The following NAA11 variants were observed in gnomAD, a reference collection of about 807,000 sequenced individuals.
The protein encoded by NAA11 is N-alpha-acetyltransferase 11, NatA catalytic subunit, also known as N-alpha-acetyltransferase 11.
In NAA11, 15 loss-of-function variants were observed where a neutral mutation model predicts 16.1. The observed-to-expected ratio is 0.93, with a 90% confidence interval of 0.62 to 1.44. NAA11 has a LOEUF of 1.44. NAA11 is among the 40% of genes most tolerant of loss of function. NAA11 has a pLI of 0.00. For synonymous variants in NAA11, 122 were observed against 112.4 expected, an observed-to-expected ratio of 1.09 and a Z score of -0.54; for missense variants, 298 against 291.3, an observed-to-expected ratio of 1.02 and a Z score of -0.17.
At chr4:79,283,494 T>A (rs547181886) in intron 2 of NAA11, among the ~76,000 whole-genome samples, 1 of 152,044 alleles carries the variant, frequency 6.6e-6, no homozygotes, top group Non-Finnish European at 1.5e-5. Context: ...TGCAGGTAGA[T>A]TGGTATATTT....
At chr4:79,244,027 T>A (rs1721751189) in intron 2 of NAA11, among the ~76,000 whole-genome samples, 2 of 152,188 alleles carry the variant, frequency 1.3e-5, no homozygotes, top group South Asian at 4.2e-4. Flanking sequence ...CTTTTTCCAA[T>A]GGAGTGTACA....
At chr4:79,322,673 AAG>A (rs1560478701) in intron 1 of NAA11, among the ~76,000 whole-genome samples, 1 of 152,190 alleles carries the variant, frequency 6.6e-6, no homozygotes, top group Non-Finnish European at 1.5e-5. Context: ...TGTGCATTCA[AAG>A]AGTCTTGAGA....
At chr4:79,196,651 C>A in the NAA11 span, among the ~76,000 whole-genome samples, 5 of 152,014 alleles carry the variant, frequency 3.3e-5, no homozygotes, top group African/African-American at 1.2e-4. Context: ...TGCTCCCCTC[C>A]CCTCTTCAGA....
At chr4:79,306,576 T>G (rs1293815807) in intron 1 of NAA11, 2 of 152,198 alleles carry the variant, frequency 1.3e-5, no homozygotes, top group African/African-American at 4.8e-5. Flanking sequence ...AGTTCACACA[T>G]GAATTTTGGG....
At chr4:79,231,430 C>A (rs1161872189) in intron 2 of NAA11, among the ~76,000 whole-genome samples, 1 of 151,872 alleles carries the variant, frequency 6.6e-6, no homozygotes, top group Non-Finnish European at 1.5e-5. Context: ...ATTTTTTATC[C>A]TCTCACTTCA....
chr4:79,186,153 A>G, the NAA11 span, among the ~76,000 whole-genome samples: 2 of 152,190 alleles, frequency 1.3e-5, no homozygotes, highest in Non-Finnish European at 1.5e-5. Context: ...TGAAAATGCT[A>G]CAAGCCCACT....
intron 2 of NAA11, among the ~76,000 whole-genome samples, chr4:79,238,127 AAGAAGC>A (rs916497120): frequency 1.2e-4 from 18 of 152,200 alleles, no homozygotes; most frequent in African/African-American, 4.3e-4. Context: ...TGTTGGCCAA[AAGAAGC>A]AGAATTTTAG....
intron 2 of NAA11, among the ~76,000 whole-genome samples, chr4:79,290,934 G>A (rs1223174553): frequency 6.6e-6 from 1 of 151,998 alleles, no homozygotes; most frequent in East Asian, 1.9e-4. Flanking sequence ...TTAATTTTAA[G>A]ATATTTCTAT....
chr4:79,188,626 A>T, the NAA11 span, among the ~76,000 whole-genome samples: 48 of 149,628 alleles, frequency 3.2e-4, no homozygotes, highest in Non-Finnish European at 4.9e-4. Context: ...TGTTTAAAAA[A>T]CATAGTCATA....
At chr4:79,208,708 A>G in the NAA11 span, among the ~76,000 whole-genome samples, 1 of 151,932 alleles carries the variant, frequency 6.6e-6, no homozygotes, top group Admixed American at 6.6e-5. Context: ...ACATTTGTAT[A>G]GCATTATACA....
At chr4:79,259,704 A>T (rs894285757) in intron 2 of NAA11, among the ~76,000 whole-genome samples, 6 of 152,236 alleles carry the variant, frequency 3.9e-5, no homozygotes, top group Admixed American at 3.3e-4. Context: ...AATTTGCATC[A>T]TATTATCTTA....
At chr4:79,194,705 A>G in the NAA11 span, among the ~76,000 whole-genome samples, 138 of 152,242 alleles carry the variant, frequency 9.1e-4, no homozygotes, top group African/African-American at 3.2e-3. Flanking sequence ...TCTTTCTCAC[A>G]TACCTGTCAA....
intron 1 of NAA11, chr4:79,306,966 A>G (rs1458359766): frequency 6.6e-6 from 1 of 152,204 alleles, no homozygotes; most frequent in Non-Finnish European, 1.5e-5. Context: ...GGTTGATTTA[A>G]TAGGTATACT....
downstream of NAA11, among the ~76,000 whole-genome samples, chr4:79,223,857 G>C (rs1041923484): frequency 6.6e-6 from 1 of 150,850 alleles, no homozygotes; most frequent in African/African-American, 2.4e-5. Context: ...TATATGTTTT[G>C]TGTGAAAAGA....
chr4:79,249,102 G>A (rs1028171220), intron 2 of NAA11, among the ~76,000 whole-genome samples: 1 of 152,272 alleles, frequency 6.6e-6, no homozygotes, highest in Non-Finnish European at 1.5e-5. Context: ...CCTGAGCGGA[G>A]CCCTGGGCCC....
intron 2 of NAA11, among the ~76,000 whole-genome samples, chr4:79,289,593 G>A (rs1723032695): frequency 6.6e-6 from 1 of 152,078 alleles, no homozygotes; most frequent in Non-Finnish European, 1.5e-5. Context: ...CCAGAACTCA[G>A]ACAATTTATA....
chr4:79,299,135 A>G (rs1723313500), intron 1 of NAA11: 2 of 152,226 alleles, frequency 1.3e-5, no homozygotes, highest in Admixed American at 1.3e-4. Flanking sequence ...CTTACTTGTG[A>G]GACTGATTTT....
the NAA11 span, among the ~76,000 whole-genome samples, chr4:79,190,880 T>C: frequency 2.6e-5 from 4 of 152,176 alleles, no homozygotes; most frequent in African/African-American, 9.7e-5. Flanking sequence ...TGTTCATAAT[T>C]TCTTATTATT....
intron 1 of NAA11, among the ~76,000 whole-genome samples, chr4:79,309,713 T>C (rs201598950): frequency 0.014 from 1,533 of 108,366 alleles, 25 homozygotes; most frequent in African/African-American, 0.059. Flanking sequence ...TTTTTTTTTT[T>C]CTTTTTTTTT....
Sources: gnomAD v4.1 joint callset for allele counts (sites outside exome capture counted in the v4.1 genomes callset) on GRCh38, gnomAD v4.1.1 for gene constraint, MANE v1.5 for transcripts, NCBI Gene and HGNC (gene_info 2026-07-23, HGNC 2026-07-21) for gene names.